Variants in SRL observed in about 807,000 individuals in gnomAD.
SRL encodes sarcalumenin.
A neutral mutation model predicts 39.5 loss-of-function variants in SRL; 23 were observed. The observed-to-expected ratio is 0.58, with a 90% CI of 0.42 to 0.82. The LOEUF is 0.82. SRL is among the 40% of genes least tolerant of loss of function. The probability of loss-of-function intolerance (pLI) is 0.00; values close to 1 mark genes in which losing one functional copy is unlikely to be tolerated. For missense variants in SRL, 592 were observed against 607.8 expected (o/e 0.97, Z 0.27); for synonymous variants, 272 against 237.4 (o/e 1.15, Z -1.34).
chr16:4,225,671 C>T (rs1364974378), intron 1 of SRL, among the ~76,000 whole-genome samples: 1 of 152,086 alleles, frequency 6.6e-6, no homozygotes, highest in Non-Finnish European at 1.5e-5. Flanking sequence ...TTTCTTAACA[C>T]CCCTGCCCCC....
intron 1 of SRL, among the ~76,000 whole-genome samples, chr16:4,205,557 C>A (rs2052307666): frequency 8.3e-6 from 1 of 120,458 alleles, no homozygotes. Context: ...AAGGCCTCCC[C>A]AGGTCTCTGC....
intron 3 of SRL, among the ~76,000 whole-genome samples, chr16:4,202,495 A>C (rs1477563896): frequency 6.6e-6 from 1 of 151,964 alleles, no homozygotes; most frequent in Non-Finnish European, 1.5e-5. Flanking sequence ...CGGGAGGCTG[A>C]GGCAGAAGAA....
chr16:4,212,453 G>A (rs2052405124), intron 1 of SRL, among the ~76,000 whole-genome samples: 1 of 152,100 alleles, frequency 6.6e-6, no homozygotes, highest in South Asian at 2.1e-4. Context: ...TTCAATCCTG[G>A]GAAATCAAGG....
chr16:4,220,886 T>G (rs2052521565), intron 1 of SRL, among the ~76,000 whole-genome samples: 1 of 151,910 alleles, frequency 6.6e-6, no homozygotes, highest in Admixed American at 6.6e-5. Flanking sequence ...CTCAGGAGAC[T>G]GAGGCAGGTG....
intron 3 of SRL, among the ~76,000 whole-genome samples, chr16:4,201,982 G>A (rs2052240230): frequency 6.6e-6 from 1 of 151,906 alleles, no homozygotes; most frequent in Non-Finnish European, 1.5e-5. Context: ...GTAGAGATGG[G>A]GTCTGACTAT....
chr16:4,218,077 C>T (rs1367484705), intron 1 of SRL, among the ~76,000 whole-genome samples: 4 of 152,128 alleles, frequency 2.6e-5, no homozygotes, highest in South Asian at 2.1e-4. Flanking sequence ...GCCAGGAGCT[C>T]GTTCTGCTGA....
chr16:4,220,309 AAATAACCGGGTGTGGTGG>A (rs2052509515), intron 1 of SRL, among the ~76,000 whole-genome samples: 1 of 151,140 alleles, frequency 6.6e-6, no homozygotes, highest in Non-Finnish European at 1.5e-5. Flanking sequence ...ACACACACAC[AAATAACCGGGTGTGGTGG>A]CACACAGCTA....
Position 4,192,502 on chromosome 16 carries a change from A to T in SRL, c.1073T>A (p.Met358Lys). ...CAGTTCTCCATCACTGAAGAAGGTC[A>T]TTTTGTCCTTGTAAGTCTGCAGGTA... ...DRYLQTYKDK[M>K]TFFSDGELVF... Residue 358 changes from methionine (M) to lysine (K), a missense_variant, in exon 6 of 6, where the codon ATG becomes AAG. Transcript: ENST00000399609. The surrounding 1 kb of genome is among the most constrained non-coding windows in gnomAD (Gnocchi z 4.0). 1 of 1,614,194 alleles carries T rather than the reference A, an allele frequency of 6.2e-7. No homozygotes were observed. Among genetic ancestry groups the T allele is most frequent in the Non-Finnish European group, 8.5e-7 (1 of 1,180,048 alleles).
chr16:4,218,897 A>G (rs8046435), intron 1 of SRL, among the ~76,000 whole-genome samples: 86,105 of 152,124 alleles, frequency 0.57, 25,217 homozygotes, highest in African/African-American at 0.7. Flanking sequence ...CATGTGCCCC[A>G]GCTCATAGAC....
intron 2 of SRL, 128 bp downstream of exon 2, chr16:4,204,405 A>T (rs2141033110): frequency 1.7e-5 from 1 of 58,396 alleles, no homozygotes; most frequent in Non-Finnish European, 2.7e-5. Flanking sequence ...AGCCTCCAAG[A>T]TAGATACAGC....
chr16:4,215,070 T>C (rs1373944061), intron 1 of SRL, among the ~76,000 whole-genome samples: 2 of 152,204 alleles, frequency 1.3e-5, no homozygotes, highest in African/African-American at 4.8e-5. Flanking sequence ...ACCCGGCCTC[T>C]TCCACTTCTT....
chr16:4,219,904 G>A (rs1193094474), intron 1 of SRL, among the ~76,000 whole-genome samples: 2 of 152,052 alleles, frequency 1.3e-5, no homozygotes, highest in African/African-American at 4.8e-5. Flanking sequence ...GGTTCCATGA[G>A]GGCTGTGTGA....
In SRL at chr16:4,203,239, C is replaced by T. The variant is rs763602284; in HGVS notation, c.186G>A (p.Lys62=). The change falls in exon 3 of 6, where the codon AAG becomes AAA. Residue 62 remains lysine (K), a synonymous_variant. Transcript: ENST00000399609. Reference sequence around the variant, plus strand: ...GAGGCTTGATGGATGAGTGGTAGATCTTCCGAAGCCGCTGCAGCACCGCTG... The same window carrying T: ...GAGGCTTGATGGATGAGTGGTAGATTTTCCGAAGCCGCTGCAGCACCGCTG... The part of the protein sequence containing the change: ...DYSAVLQRLR[K]IYHSSIKPLE... 3.7e-6 allele frequency: 6 copies of T among 1,614,136 alleles called. No homozygotes were observed. The highest frequency in any genetic ancestry group is 4.5e-5 in the East Asian group (2 of 44,878).
chr16:4,204,405 A>ACACAGCCCCGGCC (rs2052283700), intron 2 of SRL, 128 bp downstream of exon 2: 2 of 58,386 alleles, frequency 3.4e-5, no homozygotes, highest in South Asian at 1.2e-4. Flanking sequence ...AGCCTCCAAG[A>ACACAGCCCCGGCC]TAGATACAGC....
At chr16:4,224,007 G>C (rs1302641891) in intron 1 of SRL, among the ~76,000 whole-genome samples, 5 of 152,160 alleles carry the variant, frequency 3.3e-5, no homozygotes, top group African/African-American at 9.7e-5. Flanking sequence ...AGAAAGAAGA[G>C]AGAGGAGCAG....
At chr16:4,221,381 T>A (rs34079572) in intron 1 of SRL, among the ~76,000 whole-genome samples, 1 of 152,042 alleles carries the variant, frequency 6.6e-6, no homozygotes, top group African/African-American at 2.4e-5. Context: ...GGCAGCCTCA[T>A]GGCCACACAG....
At chr16:4,216,931 C>T (rs971216994) in intron 1 of SRL, among the ~76,000 whole-genome samples, 1 of 152,182 alleles carries the variant, frequency 6.6e-6, no homozygotes, top group Non-Finnish European at 1.5e-5. Flanking sequence ...CAGGAAAAGA[C>T]TTACTGGAAG....
intron 1 of SRL, among the ~76,000 whole-genome samples, chr16:4,235,188 G>A (rs2141070798): frequency 6.6e-6 from 1 of 152,302 alleles, no homozygotes; most frequent in Non-Finnish European, 1.5e-5. Flanking sequence ...AAGAAGACAG[G>A]TGAGGCCAGG....
chr16:4,218,879 G>A (rs1379515095), intron 1 of SRL, among the ~76,000 whole-genome samples: 1 of 152,226 alleles, frequency 6.6e-6, no homozygotes, highest in Non-Finnish European at 1.5e-5. Flanking sequence ...ATACACAAAT[G>A]TCCTGCCCAT....
Sources: gnomAD v4.1 joint callset for allele counts (sites outside exome capture counted in the v4.1 genomes callset) on GRCh38, gnomAD v4.1.1 for gene constraint, Gnocchi (gnomAD v3.1) non-coding constraint, MANE v1.5 for transcripts, NCBI Gene and HGNC (gene_info 2026-07-23, HGNC 2026-07-21) for gene names.